XKR9: variants seen among roughly 807,000 people sequenced by gnomAD.
The protein encoded by XKR9 is XK-related protein 9.
Under a neutral mutation model 32.0 loss-of-function variants are expected in XKR9, and 32 were observed. The observed-to-expected ratio is 1.00, with a 90% CI of 0.76 to 1.34. The LOEUF is 1.34. XKR9 is among the 40% of genes most tolerant of loss of function. The pLI, the probability that XKR9 is intolerant of heterozygous loss-of-function variation, is 0.00. For missense variants in XKR9, 546 were observed against 429.7 expected, an observed-to-expected ratio of 1.27 and a Z score of -2.39; for synonymous variants, 168 against 143.4, an observed-to-expected ratio of 1.17 and a Z score of -1.22.
At chr8:70,972,197 GTATTTTATTT>G in the XKR9 span, among the ~76,000 whole-genome samples, 1 of 152,026 alleles carries the variant, frequency 6.6e-6, no homozygotes, top group African/African-American at 2.4e-5. Context: ...ATATTCCTAA[GTATTTTATTT>G]TATTTTATTT....
the XKR9 span, among the ~76,000 whole-genome samples, chr8:71,040,428 T>G: frequency 6.6e-6 from 1 of 152,226 alleles, no homozygotes; most frequent in East Asian, 1.9e-4. Context: ...TGCAACATAC[T>G]AGGTAATTGT....
At chr8:70,740,042 G>C (rs565897721), downstream of XKR9, among the ~76,000 whole-genome samples, 10 of 152,290 alleles carry the variant, frequency 6.6e-5, no homozygotes, top group Non-Finnish European at 1.5e-4. Flanking sequence ...AAGTTCTCCT[G>C]GATAATATCC....
At chr8:70,820,082 A>G in the XKR9 span, among the ~76,000 whole-genome samples, 1 of 152,172 alleles carries the variant, frequency 6.6e-6, no homozygotes, top group Non-Finnish European at 1.5e-5. Context: ...CAGGAAGGTC[A>G]TTCTCTGACC....
At chr8:70,974,202 A>G in the XKR9 span, among the ~76,000 whole-genome samples, 48,056 of 149,340 alleles carry the variant, frequency 0.32, 8,879 homozygotes, top group Non-Finnish European at 0.43. Flanking sequence ...CAGGCTTTTT[A>G]TCATTATATA....
the XKR9 span, among the ~76,000 whole-genome samples, chr8:70,871,557 A>C: frequency 6.6e-6 from 1 of 152,136 alleles, no homozygotes; most frequent in Non-Finnish European, 1.5e-5. Context: ...GTTCTGAGGC[A>C]CTGCACACCA....
intron 2 of XKR9, among the ~76,000 whole-genome samples, chr8:70,788,298 AACAG>A (rs943391090): frequency 2.6e-5 from 4 of 152,140 alleles, no homozygotes; most frequent in African/African-American, 9.6e-5. Context: ...ATAAGGTTGT[AACAG>A]ACACAGAAAT....
At chr8:70,988,327 C>T in the XKR9 span, among the ~76,000 whole-genome samples, 21 of 108,306 alleles carry the variant, frequency 1.9e-4, no homozygotes, top group African/African-American at 7.1e-4. Context: ...TTTTACCATG[C>T]GTGGTTAAAA....
chr8:70,821,559 C>A, the XKR9 span, among the ~76,000 whole-genome samples: 6 of 152,224 alleles, frequency 3.9e-5, no homozygotes, highest in Non-Finnish European at 7.3e-5. Flanking sequence ...CCCACCCCTA[C>A]AGCAAACTTC....
At chr8:70,772,289 C>G (rs1260555441) in intron 2 of XKR9, among the ~76,000 whole-genome samples, 1 of 152,162 alleles carries the variant, frequency 6.6e-6, no homozygotes, top group Non-Finnish European at 1.5e-5. Flanking sequence ...ATTTGCTGAT[C>G]TCTGAACAGA....
At chr8:70,878,137 C>A in the XKR9 span, among the ~76,000 whole-genome samples, 10 of 152,172 alleles carry the variant, frequency 6.6e-5, no homozygotes, top group African/African-American at 2.4e-4. Flanking sequence ...CCAGGCCTGC[C>A]TTACAGGAAC....
the XKR9 span, among the ~76,000 whole-genome samples, chr8:70,932,562 C>A: frequency 6.6e-6 from 1 of 152,098 alleles, no homozygotes; most frequent in African/African-American, 2.4e-5. Context: ...GTTTGCTAGG[C>A]CTGTCATAAT....
the XKR9 span, among the ~76,000 whole-genome samples, chr8:70,837,206 C>T: frequency 6.6e-6 from 1 of 152,070 alleles, no homozygotes; most frequent in Non-Finnish European, 1.5e-5. Flanking sequence ...CTGTGAGCTT[C>T]TTGAATCAGA....
chr8:70,685,990 TCTTC>T (rs1819263753), intron 3 of XKR9, among the ~76,000 whole-genome samples: 1 of 151,810 alleles, frequency 6.6e-6, no homozygotes, highest in Non-Finnish European at 1.5e-5. Flanking sequence ...TTTTCAGTGC[TCTTC>T]CTTTCTTTAT....
the XKR9 span, among the ~76,000 whole-genome samples, chr8:71,027,366 T>G: frequency 1.4e-5 from 2 of 148,050 alleles, no homozygotes; most frequent in Admixed American, 1.4e-4. Context: ...TTTTAAAATA[T>G]ATATTTTAGA....
downstream of XKR9, among the ~76,000 whole-genome samples, chr8:70,790,580 C>T (rs1327981960): frequency 6.6e-6 from 1 of 151,994 alleles, no homozygotes; most frequent in Non-Finnish European, 1.5e-5. Flanking sequence ...TTCCAATGTC[C>T]AGCACCTTGC....
chr8:70,862,001 TG>T, the XKR9 span, among the ~76,000 whole-genome samples: 1 of 152,138 alleles, frequency 6.6e-6, no homozygotes, highest in Non-Finnish European at 1.5e-5. Context: ...GTTTGTGGTG[TG>T]GAAGGGAACT....
the XKR9 span, among the ~76,000 whole-genome samples, chr8:70,961,192 A>G: frequency 2.0e-5 from 3 of 152,212 alleles, no homozygotes; most frequent in African/African-American, 7.2e-5. Context: ...AGACAAAAAA[A>G]CAAAGAAAAT....
chr8:70,779,414 T>G (rs901014879), intron 2 of XKR9, among the ~76,000 whole-genome samples: 1 of 152,126 alleles, frequency 6.6e-6, no homozygotes, highest in Non-Finnish European at 1.5e-5. Context: ...AACATTCTCT[T>G]TTTTTGTTGT....
chr8:70,778,612 C>G (rs899909545), intron 2 of XKR9, among the ~76,000 whole-genome samples: 1 of 152,146 alleles, frequency 6.6e-6, no homozygotes, highest in Non-Finnish European at 1.5e-5. Flanking sequence ...TTTGTGTCCT[C>G]TTTTATTTTG....
Sources: allele counts gnomAD v4.1 joint callset (sites outside exome capture counted in the v4.1 genomes callset), GRCh38; gene constraint gnomAD v4.1.1; transcripts MANE v1.5; gene names NCBI Gene and HGNC (gene_info 2026-07-23, HGNC 2026-07-21).